Variants in LETM2 observed in about 807,000 individuals in gnomAD.
LETM2 encodes LETM1 domain-containing protein LETM2, mitochondrial.
A neutral mutation model predicts 59.6 loss-of-function variants in LETM2; 58 were observed. The ratio of observed to expected loss-of-function variants is 0.97; its 90% confidence interval spans 0.79 to 1.21. LETM2 has a LOEUF of 1.21. Ranked by LOEUF, LETM2 falls within the 50% of genes most tolerant of loss-of-function variation. The pLI is 0.00. For missense variants in LETM2, 572 were observed against 575.7 expected (o/e 0.99, Z 0.07); for synonymous variants, 199 against 214.1 (o/e 0.93, Z 0.62).
chr8:38,384,283 T>C (rs1193871265), upstream of LETM2, among the ~76,000 whole-genome samples: 1 of 152,256 alleles, frequency 6.6e-6, no homozygotes, highest in African/African-American at 2.4e-5. Context: ...TATATTAGCC[T>C]GTTTCTAATA....
In LETM2 at chr8:38,396,714, G is replaced by C. The variant is rs1585993669; in HGVS notation, c.645+2473G>C. ...AAGCCCACGAGTTCAAGACCAGCCA[G>C]AGCAATATAGTGAGACCCCTGTCTC... is the stretch of plus-strand genomic sequence containing the variant. On this transcript the variant is annotated intron_variant, in intron 4 of 10. Transcript: ENST00000379957. Among the ~76,000 whole-genome samples, 3 of 152,172 alleles carry C rather than the reference G, an allele frequency of 2.0e-5. No homozygotes were observed. In the South Asian group the frequency reaches 6.2e-4, roughly 32 times the overall value.
Position 38,399,949 on chromosome 8 carries a change from AAGAGAGAG to A in LETM2, c.646-301_646-294del, listed in dbSNP as rs3138841. Among the ~76,000 whole-genome samples the A allele has an allele frequency of 6.2e-4, 92 of 148,068 alleles. 1 individual carries two copies. The highest frequency in any genetic ancestry group is 2.0e-3 in the African/African-American group (79 of 40,410). On this transcript the variant is annotated intron_variant, in intron 4 of 10. Transcript: ENST00000379957. Reference sequence around the variant, plus strand: ...CAACAGAGTGGGACTTGATCTCAAAAAGAGAGAGAGAGAGAGAGAGAGAGAGAGATAGT... The same window carrying A: ...CAACAGAGTGGGACTTGATCTCAAAAAGAGAGAGAGAGAGAGAGAGATAGT...
chr8:38,389,998 C>CA (rs1222660619), intron 2 of LETM2, among the ~76,000 whole-genome samples: 7,448 of 44,456 alleles, frequency 0.17, 664 homozygotes, highest in African/African-American at 0.19. Context: ...GACTCCGTCT[C>CA]AAAAAAAAAA....
At chr8:38,393,067 A>G (rs1812427644) in intron 3 of LETM2, 72 bp downstream of exon 3, 2 of 1,287,872 alleles carry the variant, frequency 1.6e-6, no homozygotes, top group Admixed American at 2.2e-5. Context: ...AACTATTTAA[A>G]TTCAACGTAA....
intron 4 of LETM2, among the ~76,000 whole-genome samples, chr8:38,398,113 C>T (rs886139578): frequency 2.0e-5 from 3 of 150,500 alleles, no homozygotes; most frequent in Admixed American, 6.7e-5. Context: ...GTATTCCAGC[C>T]TGGGCGACAG....
intron 2 of LETM2, 37 bp from the exon 3 acceptor site, chr8:38,392,504 TA>T: frequency 8.5e-7 from 1 of 1,178,674 alleles, no homozygotes; most frequent in Non-Finnish European, 1.2e-6. Context: ...TTTGTAATAG[TA>T]TGTACTTAAC....
chr8:38,386,598 C>G (rs1426532581), intron 1 of LETM2, 30 bp downstream of exon 1: 3 of 152,256 alleles, frequency 2.0e-5, no homozygotes, highest in Non-Finnish European at 4.4e-5. Flanking sequence ...GCCCTCAGGC[C>G]GCGACCTGGT....
At chr8:38,398,881 G>A (rs754264170) in intron 4 of LETM2, among the ~76,000 whole-genome samples, 1 of 151,846 alleles carries the variant, frequency 6.6e-6, no homozygotes, top group Non-Finnish European at 1.5e-5. Flanking sequence ...CACCACGCCC[G>A]GCTAATTTTT....
At position 38,392,738 on chromosome 8, in the gene LETM2, T is replaced by C. The variant is rs1585980362; in HGVS notation, c.244T>C (p.Cys82Arg). The change falls in exon 3 of 11, where the codon TGC (cysteine) becomes CGC (arginine). Residue 82 changes from cysteine to arginine, a missense_variant. Physicochemically the swap from Cys to Arg is radical, Grantham distance 180. Coordinates refer to ENST00000379957, the MANE Select transcript of LETM2 (RefSeq NM_001286819.2). ...AATACAAAAGCTACACACATCCACTTGCTGGCTGCAAGAAGTTCCTGGCAA... is the reference window on the plus strand; with the variant it reads ...AATACAAAAGCTACACACATCCACTCGCTGGCTGCAAGAAGTTCCTGGCAA... ...RLIQKLHTST[C>R]WLQEVPGKPQ... The C allele has an allele frequency of 6.2e-7, 1 of 1,614,176 alleles. No individual in the cohort carries two copies. Among genetic ancestry groups the C allele is most frequent in the Non-Finnish European group, 8.5e-7 (1 of 1,180,040 alleles).
chr8:38,383,773 A>G (rs1164090662), upstream of LETM2, among the ~76,000 whole-genome samples: 4 of 152,036 alleles, frequency 2.6e-5, no homozygotes, highest in African/African-American at 7.2e-5. Flanking sequence ...TACTAAAAAT[A>G]CAAAAAATTA....
chr8:38,392,852 C>CA lies in LETM2; in HGVS notation c.360dup (p.Ser121IlefsTer3), dbSNP rs1321520316. 6.2e-7 allele frequency: 1 copy of CA among 1,614,132 alleles called. No homozygotes were observed. Among genetic ancestry groups the CA allele is most frequent in the East Asian group, 2.2e-5 (1 of 44,882 alleles). ...TGGCATGGAGATTAAAGAAGGCAAA[C>CA]AATCTTATAGACAAAAAATCATGGA... On this transcript the variant is annotated frameshift_variant, in exon 3 of 11. Coordinates refer to ENST00000379957, the MANE Select transcript of LETM2 (RefSeq NM_001286819.2). LOFTEE classifies it high-confidence loss of function.
intron 4 of LETM2, among the ~76,000 whole-genome samples, chr8:38,399,832 G>A (rs1280974104): frequency 6.6e-6 from 1 of 151,246 alleles, no homozygotes; most frequent in Admixed American, 6.6e-5. Flanking sequence ...TGTAATCCCA[G>A]CTATTCAGGA....
chr8:38,388,786 C>T (rs528290345), intron 2 of LETM2, among the ~76,000 whole-genome samples: 44 of 150,348 alleles, frequency 2.9e-4, no homozygotes, highest in Non-Finnish European at 4.4e-4. Flanking sequence ...TTTTTTGGGA[C>T]GGATTATCAC....
chr8:38,385,324 T>G (rs1811729181), upstream of LETM2, among the ~76,000 whole-genome samples: 1 of 152,198 alleles, frequency 6.6e-6, no homozygotes, highest in African/African-American at 2.4e-5. Flanking sequence ...TCAGCTCACA[T>G]GTCAGGAGAC....
At chr8:38,398,226 G>T (rs1236235501) in intron 4 of LETM2, among the ~76,000 whole-genome samples, 1 of 151,850 alleles carries the variant, frequency 6.6e-6, no homozygotes, top group African/African-American at 2.4e-5. Context: ...GCCTGGCAAT[G>T]TTTTAATTTG....
chr8:38,406,731 GTA>G, intron 8 of LETM2: 1 of 441,612 alleles, frequency 2.3e-6, no homozygotes, highest in East Asian at 3.2e-5. Context: ...TGCAACTTTT[GTA>G]TATAAAGTAC....
In LETM2 at chr8:38,400,477, A is replaced by G. The variant is rs1047982532; in HGVS notation, c.783+68A>G. 26 of 1,442,402 alleles carry G rather than the reference A, an allele frequency of 1.8e-5. No homozygotes were observed. The East Asian group carries it at 6.1e-4, about 34-fold the overall frequency. The allele number at this position is 1,442,402 out of a possible 1,614,324, so 89.4% of individuals were successfully genotyped here. Reference sequence around the variant, plus strand: ...CGTTCTATGAAAAACGCATGTCATCATGGATTTCCCAAATTGTTCACCATC... The same window carrying G: ...CGTTCTATGAAAAACGCATGTCATCGTGGATTTCCCAAATTGTTCACCATC... On this transcript the variant is annotated intron_variant, in intron 5 of 10. Coordinates refer to ENST00000379957, the MANE Select transcript of LETM2 (RefSeq NM_001286819.2).
upstream of LETM2, chr8:38,386,370 G>A (rs1469395545): frequency 1.3e-5 from 2 of 152,198 alleles, no homozygotes; most frequent in African/African-American, 4.8e-5. Flanking sequence ...GCGGCTTCCT[G>A]GGCTGCTAAG....
intron 4 of LETM2, 114 bp from the exon 5 acceptor site, chr8:38,400,158 T>C: frequency 1.3e-6 from 1 of 742,174 alleles, no homozygotes; most frequent in Non-Finnish European, 2.1e-6. Context: ...AGAATCACGT[T>C]ATTACATGAT....
Sources: allele counts gnomAD v4.1 joint callset (sites outside exome capture counted in the v4.1 genomes callset), GRCh38; gene constraint gnomAD v4.1.1; transcripts MANE v1.5; gene names NCBI Gene and HGNC (gene_info 2026-07-23, HGNC 2026-07-21).